PPIC: variants seen among roughly 807,000 people sequenced by gnomAD.
The protein encoded by PPIC is peptidylprolyl isomerase C.
PPIC carries 19 observed loss-of-function variants against 19.5 expected under a neutral mutation model. The observed-to-expected ratio is 0.98, with a 90% confidence interval of 0.68 to 1.43. The LOEUF (loss-of-function observed/expected upper bound fraction) is 1.43, where lower values mean the gene tolerates loss of function less well. PPIC is among the 40% of genes most tolerant of loss of function. The probability of loss-of-function intolerance (pLI) is 0.00; values close to 1 mark genes in which losing one functional copy is unlikely to be tolerated. For synonymous variants in PPIC, 107 were observed against 101.2 expected (o/e 1.06, Z -0.34); for missense variants, 268 against 268.6 (o/e 1.00, Z 0.02).
At chr5:123,025,010 C>T (rs1419555831) in intron 4 of PPIC, among the ~76,000 whole-genome samples, 3 of 152,082 alleles carry the variant, frequency 2.0e-5, no homozygotes, top group Admixed American at 6.6e-5. Flanking sequence ...TCTTTGAGAC[C>T]CAACAGTATA....
chr5:123,028,914 T>C, intron 2 of PPIC, 46 bp from the exon 3 acceptor site: 1 of 1,461,814 alleles, frequency 6.8e-7, no homozygotes, highest in Non-Finnish European at 9.6e-7. Context: ...GAGGCCATAC[T>C]GAAAGATAAA....
In PPIC at chr5:123,029,364, G is replaced by A; in HGVS notation, c.172C>T (p.Leu58Phe). 2 of 1,611,244 alleles carry A rather than the reference G, an allele frequency of 1.2e-6. No individual in the cohort carries two copies. Among genetic ancestry groups the A allele is most frequent in the Non-Finnish European group, 1.7e-6 (2 of 1,178,290 alleles). Reference sequence around the variant, plus strand: ...GTCTTGGGCACAACTTTTCCAAAGAGGCCAATCACAATTCTGCCAACATCT... The same window carrying A: ...GTCTTGGGCACAACTTTTCCAAAGAAGCCAATCACAATTCTGCCAACATCT... ...DKDVGRIVIGLFGKVVPKTVE... is the reference protein window; with the variant it reads ...DKDVGRIVIGFFGKVVPKTVE... Residue 58 changes from leucine (L) to phenylalanine (F), a missense_variant, in exon 2 of 5, where the codon CTC (leucine) becomes TTC (phenylalanine). By Grantham distance (22) the Leu-to-Phe change is conservative. Coordinates refer to ENST00000306442, the MANE Select transcript of PPIC (RefSeq NM_000943.5).
At chr5:123,030,778 G>T (rs1375293781) in intron 1 of PPIC, among the ~76,000 whole-genome samples, 1 of 152,206 alleles carries the variant, frequency 6.6e-6, no homozygotes, top group Non-Finnish European at 1.5e-5. Context: ...GCTTACAAGA[G>T]AAGCAGTTTC....
At chr5:123,035,192 G>A (rs149148654) in intron 1 of PPIC, among the ~76,000 whole-genome samples, 177 of 152,202 alleles carry the variant, frequency 1.2e-3, no homozygotes, top group African/African-American at 4.1e-3. Context: ...AGTTCCCTTT[G>A]CCTCCTTAGT....
intron 1 of PPIC, among the ~76,000 whole-genome samples, chr5:123,033,101 A>C (rs1762964042): frequency 6.6e-6 from 1 of 152,234 alleles, no homozygotes; most frequent in South Asian, 2.1e-4. Flanking sequence ...CTCAATGGCC[A>C]TGGAAACTTC....
chr5:123,025,675 A>G, intron 4 of PPIC, 109 bp downstream of exon 4: 2 of 1,131,746 alleles, frequency 1.8e-6, no homozygotes, highest in South Asian at 2.9e-5. Flanking sequence ...GAGGCCAGTC[A>G]GCTATATAAT....
intron 1 of PPIC, among the ~76,000 whole-genome samples, chr5:123,034,620 C>T (rs147934323): frequency 6.6e-6 from 1 of 152,346 alleles, no homozygotes; most frequent in African/African-American, 2.4e-5. Context: ...CCAGGTGAAA[C>T]CTGTTCCCAA....
intron 1 of PPIC, among the ~76,000 whole-genome samples, chr5:123,034,278 C>T (rs1449969502): frequency 6.6e-6 from 1 of 152,132 alleles, no homozygotes; most frequent in African/African-American, 2.4e-5. Context: ...TTAAGACGCA[C>T]CTACACAATC....
rs1375782890 is a variant in PPIC at position 123,023,762 on chromosome 5, A to G, written c.*113T>C. On this transcript the variant is annotated 3_prime_UTR_variant, in exon 5 of 5. Coordinates refer to ENST00000306442, the MANE Select transcript of PPIC (RefSeq NM_000943.5). ...TTTCCTGTGATCTGGGATAGAATAC[A>G]AAAAGAAAGTAAAAAAAAAAAAGCA... The G allele has an allele frequency of 4.9e-6, 7 of 1,416,050 alleles. No individual in the cohort carries two copies. The East Asian group carries it at 1.7e-4, about 34-fold the overall frequency. The allele number at this position is 1,416,050 out of a possible 1,614,324, so 87.7% of individuals were successfully genotyped here. A position where few individuals can be genotyped will look rare whatever the true frequency, so the allele number is the denominator to read the frequency against.
At chr5:123,033,636 C>T (rs1762969369) in intron 1 of PPIC, among the ~76,000 whole-genome samples, 2 of 152,230 alleles carry the variant, frequency 1.3e-5, no homozygotes, top group African/African-American at 4.8e-5. Flanking sequence ...TTTATAGCAA[C>T]ATAAATGGAC....
At position 123,026,056 on chromosome 5, in the gene PPIC, A is replaced by G. The variant is rs1054837997; in HGVS notation, c.326-88T>C. The G allele has an allele frequency of 7.8e-6, 9 of 1,152,026 alleles. No homozygotes were observed. In the East Asian group the frequency reaches 2.1e-4, roughly 27 times the overall value. The allele number at this position is 1,152,026 out of a possible 1,614,324, so 71.4% of individuals were successfully genotyped here. A position where few individuals can be genotyped will look rare whatever the true frequency, so the allele number is the denominator to read the frequency against. The stretch of plus-strand genomic sequence containing the variant: ...ACATAAGGCCTTAGAGGAATCAATT[A>G]CTAGAACCCTATAGGAGGTAGGGAT... On this transcript the variant is annotated intron_variant, in intron 3 of 4. Coordinates refer to ENST00000306442, the MANE Select transcript of PPIC (RefSeq NM_000943.5).
At position 123,025,926 on chromosome 5, in the gene PPIC, T is replaced by A. The variant is rs1762846885; in HGVS notation, c.368A>T (p.Lys123Met). 6.2e-7 allele frequency: 1 copy of A among 1,610,184 alleles called. No homozygotes were observed. Among genetic ancestry groups the A allele is most frequent in the Non-Finnish European group, 8.5e-7 (1 of 1,178,842 alleles). ...YGETFPDENF[K>M]LKHYGIGWVS... ...CCACCCAATGCCATAGTGCTTCAGCTTGAAGTTCTCATCTGGAAATGTCTC... is the reference window on the plus strand; with the variant it reads ...CCACCCAATGCCATAGTGCTTCAGCATGAAGTTCTCATCTGGAAATGTCTC... Residue 123 changes from lysine to methionine, a missense_variant, in exon 4 of 5, where the codon AAG becomes ATG. Coordinates refer to ENST00000306442, the MANE Select transcript of PPIC (RefSeq NM_000943.5).
intron 2 of PPIC, 31 bp downstream of exon 2, chr5:123,029,274 C>G: frequency 6.2e-7 from 1 of 1,613,886 alleles, no homozygotes; most frequent in Non-Finnish European, 8.5e-7. Flanking sequence ...GAAAGAAGAC[C>G]CAATTTAAAG....
chr5:123,028,875 A>G lies in PPIC; in HGVS notation c.232-7T>C, dbSNP rs753885470. The stretch of plus-strand genomic sequence containing the variant: ...CTTTATATCCATATCCTTTCTAAAG[A>G]GATTACTTCAGTTGAATAACAAGTA... On this transcript the variant is annotated splice_region_variant and splice_polypyrimidine_tract_variant and intron_variant, in intron 2 of 4. Coordinates refer to ENST00000306442, the MANE Select transcript of PPIC (RefSeq NM_000943.5). 10 of 1,582,602 alleles carry G rather than the reference A, an allele frequency of 6.3e-6. No homozygotes were observed. The South Asian group carries it at 1.1e-4, about 18-fold the overall frequency.
rs939331915 is a variant in PPIC at position 123,036,696 on chromosome 5, C to G, written c.-71G>C. The G allele has an allele frequency of 2.2e-6, 3 of 1,341,154 alleles. No individual in the cohort carries two copies. In the African/African-American group the frequency reaches 4.5e-5, roughly 20 times the overall value. 83.1% of individuals were successfully genotyped at this position (1,341,154 alleles called of 1,614,324 possible). On this transcript the variant is annotated 5_prime_UTR_variant, in exon 1 of 5. Coordinates refer to ENST00000306442, the MANE Select transcript of PPIC (RefSeq NM_000943.5). This position sits in a 1 kb window ranked among gnomAD's most constrained non-coding sequence, Gnocchi z 4.5. Reference sequence around the variant, plus strand: ...GGGCGCGACACAGGCTCTGGGACAGCTGACGGGACTGCCGGCCGGCTGCGC... The same window carrying G: ...GGGCGCGACACAGGCTCTGGGACAGGTGACGGGACTGCCGGCCGGCTGCGC...
intron 1 of PPIC, among the ~76,000 whole-genome samples, chr5:123,034,441 C>A (rs970396968): frequency 6.6e-6 from 1 of 152,120 alleles, no homozygotes; most frequent in Non-Finnish European, 1.5e-5. Flanking sequence ...CCTGCAGCCA[C>A]CAGCTTCCTC....
rs527548492 is a variant in PPIC at position 123,036,641 on chromosome 5, C to CGGCGCTACCGGCACG, written c.-31_-17dup. The CGGCGCTACCGGCACG allele has an allele frequency of 3.7e-5, 58 of 1,561,004 alleles. No individual in the cohort carries two copies. Among genetic ancestry groups the CGGCGCTACCGGCACG allele is most frequent in the South Asian group, 2.6e-4 (22 of 85,398 alleles). On this transcript the variant is annotated 5_prime_UTR_variant, in exon 1 of 5. Coordinates refer to ENST00000306442, the MANE Select transcript of PPIC (RefSeq NM_000943.5). The surrounding 1 kb of genome is among the most constrained non-coding windows in gnomAD (Gnocchi z 4.5). ...CCGGGCCCATGGTGAGCGGTGGCAG[C>CGGCGCTACCGGCACG]GGCGCTACCGGCACGGGCGCTACCG...
chr5:123,028,576 G>A, intron 3 of PPIC, 199 bp downstream of exon 3: 1 of 464,204 alleles, frequency 2.2e-6, no homozygotes, highest in South Asian at 5.4e-5. Flanking sequence ...AAACAATCCT[G>A]CTTAAAATAA....
At chr5:123,026,512 CAG>C (rs966804896) in intron 3 of PPIC, among the ~76,000 whole-genome samples, 1 of 152,198 alleles carries the variant, frequency 6.6e-6, no homozygotes, top group African/African-American at 2.4e-5. Flanking sequence ...CAATGGGAAA[CAG>C]AGGTTACAAA....
Sources: gnomAD v4.1 joint callset for allele counts (sites outside exome capture counted in the v4.1 genomes callset) on GRCh38, gnomAD v4.1.1 for gene constraint, Gnocchi (gnomAD v3.1) non-coding constraint, MANE v1.5 for transcripts, NCBI Gene and HGNC (gene_info 2026-07-23, HGNC 2026-07-21) for gene names.